The following PTPRN2 variants were observed in gnomAD, a reference collection of about 807,000 sequenced individuals.
The protein encoded by PTPRN2 is receptor-type tyrosine-protein phosphatase N2.
Under a neutral mutation model 118.8 loss-of-function variants are expected in PTPRN2, and 74 were observed. The observed-to-expected ratio is 0.62, with a 90% CI of 0.52 to 0.76. The LOEUF is 0.76. Ranked by LOEUF, PTPRN2 falls within the 30% of genes least tolerant of loss-of-function variation. The pLI, the probability that PTPRN2 is intolerant of heterozygous loss-of-function variation, is 0.00. For synonymous variants in PTPRN2, 641 were observed against 608.0 expected (o/e 1.05, Z -0.80); for missense variants, 1,481 against 1,394.4 (o/e 1.06, Z -0.99).
Position 157,549,978 on chromosome 7 carries a change from T to C in PTPRN2, c.2903-959A>G, listed in dbSNP as rs189426234. 4.7e-3 allele frequency among the ~76,000 whole-genome samples: 710 copies of C among 152,280 alleles called. 5 individuals carry two copies. The highest frequency in any genetic ancestry group is 0.014 in the Middle Eastern group (4 of 294). ...GGAAATAGAGACGCGGCCAATGGCA[T>C]GTCCAAGCCACAGACAGGAAGAAGC... On this transcript the variant is annotated intron_variant, in intron 21 of 22. Coordinates refer to ENST00000389418, the MANE Select transcript of PTPRN2 (RefSeq NM_002847.5).
chr7:158,455,921 G>A lies in PTPRN2; in HGVS notation c.163+33814C>T, dbSNP rs534125766. ...CTGCAGAGAACATAACAGCATGGAC[G>A]CCATTGGCCATGGCCACCCATCGCT... On this transcript the variant is annotated intron_variant, in intron 2 of 22. Coordinates refer to ENST00000389418, the MANE Select transcript of PTPRN2 (RefSeq NM_002847.5). Among the ~76,000 whole-genome samples, 7 of 146,788 alleles carry A rather than the reference G, an allele frequency of 4.8e-5. No individual in the cohort carries two copies. The South Asian group carries it at 1.1e-3, about 23-fold the overall frequency.
chr7:158,270,903 CCACCCCCCCCACCT>C (rs1798395949), intron 3 of PTPRN2, among the ~76,000 whole-genome samples: 4 of 52,844 alleles, frequency 7.6e-5, no homozygotes, highest in Non-Finnish European at 1.4e-4. Context: ...TCCACCTGGA[CCACCCCCCCCACCT>C]GGACCACCCC....
chr7:158,341,966 C>G (rs1362100719), intron 2 of PTPRN2, among the ~76,000 whole-genome samples: 2 of 150,038 alleles, frequency 1.3e-5, no homozygotes, highest in Non-Finnish European at 3.0e-5. Flanking sequence ...CCGCAGACGT[C>G]ACTCACACCC....
chr7:158,504,113 T>C (rs1344942401), intron 1 of PTPRN2, among the ~76,000 whole-genome samples: 1 of 152,036 alleles, frequency 6.6e-6, no homozygotes, highest in African/African-American at 2.4e-5. Context: ...TAGAGATAAA[T>C]TCCTTGTTAA....
intron 1 of PTPRN2, among the ~76,000 whole-genome samples, chr7:158,530,852 G>A (rs1178589748): frequency 6.6e-6 from 1 of 152,206 alleles, no homozygotes; most frequent in Non-Finnish European, 1.5e-5. Flanking sequence ...TGGGTCCCAT[G>A]CAGGTTCCAG....
At position 158,563,245 on chromosome 7, in the gene PTPRN2, G is replaced by C. The variant is rs549789812; in HGVS notation, c.112+24313C>G. ...AGACCTTGTCCAGGGTCCTAAAATG[G>C]CTTCTTGGAAAATATGAAATTGCTG... On this transcript the variant is annotated intron_variant, in intron 1 of 22. Transcript: ENST00000389418. This position sits in a 1 kb window ranked among gnomAD's most constrained non-coding sequence, Gnocchi z 5.1. Among the ~76,000 whole-genome samples, 2 of 152,194 alleles carry C rather than the reference G, an allele frequency of 1.3e-5. No homozygotes were observed. Among genetic ancestry groups the C allele is most frequent in the Non-Finnish European group, 2.9e-5 (2 of 68,038 alleles).
intron 22 of PTPRN2, among the ~76,000 whole-genome samples, chr7:157,542,813 G>A (rs548958311): frequency 1.3e-5 from 2 of 152,370 alleles, no homozygotes; most frequent in African/African-American, 4.8e-5. Context: ...CTTACTCAGA[G>A]CCCACTGGGC....
At position 157,874,204 on chromosome 7, in the gene PTPRN2, G is replaced by A. The variant is rs1343527376; in HGVS notation, c.1788+24469C>T. Among the ~76,000 whole-genome samples, 2 of 152,144 alleles carry A rather than the reference G, an allele frequency of 1.3e-5. No individual in the cohort carries two copies. The highest frequency in any genetic ancestry group is 6.5e-5 in the Admixed American group (1 of 15,280). On this transcript the variant is annotated intron_variant, in intron 12 of 22. Coordinates refer to ENST00000389418, the MANE Select transcript of PTPRN2 (RefSeq NM_002847.5). This position sits in a 1 kb window ranked among gnomAD's most constrained non-coding sequence, Gnocchi z 5.8. ...CTCAGTCTGCCTCTGGCCTCCCTCT[G>A]TTTCCCCCTCCACAACTGGGCAGGC...
intron 2 of PTPRN2, among the ~76,000 whole-genome samples, chr7:158,407,641 G>C (rs62478432): frequency 4.9e-5 from 3 of 61,416 alleles, no homozygotes; most frequent in South Asian, 9.1e-4. Flanking sequence ...CTGCGTCCTG[G>C]GTCCTGGGTC....
chr7:158,430,469 C>T (rs1816081280), intron 2 of PTPRN2, among the ~76,000 whole-genome samples: 1 of 152,254 alleles, frequency 6.6e-6, no homozygotes, highest in Non-Finnish European at 1.5e-5. Flanking sequence ...GGCATGTTCC[C>T]AGAAGCGCTC....
chr7:158,357,097 G>A (rs1212391474), intron 2 of PTPRN2, among the ~76,000 whole-genome samples: 1 of 152,244 alleles, frequency 6.6e-6, no homozygotes, highest in East Asian at 1.9e-4. Context: ...ATGGTCCTGT[G>A]CAAACAACCA....
Position 158,489,799 on chromosome 7 carries a change from G to A in PTPRN2, c.113-14C>T. 6.4e-7 allele frequency: 1 copy of A among 1,567,618 alleles called. No homozygotes were observed. Among genetic ancestry groups the A allele is most frequent in the Non-Finnish European group, 8.6e-7 (1 of 1,156,792 alleles). On this transcript the variant is annotated splice_polypyrimidine_tract_variant and intron_variant, in intron 1 of 22. Transcript: ENST00000389418. Reference sequence around the variant, plus strand: ...CGAGCAGGCAGCCTGCGGGGAAACAGAGAAGAGACGCGGTCAGCTGGAGGG... The same window carrying A: ...CGAGCAGGCAGCCTGCGGGGAAACAAAGAAGAGACGCGGTCAGCTGGAGGG...
At chr7:158,305,999 C>A (rs181571152) in intron 3 of PTPRN2, among the ~76,000 whole-genome samples, 1 of 152,240 alleles carries the variant, frequency 6.6e-6, no homozygotes, top group Admixed American at 6.5e-5. Flanking sequence ...AGAGTGCCTT[C>A]AAAGCCCCAT....
At chr7:158,172,481 C>T (rs1038265405) in intron 5 of PTPRN2, among the ~76,000 whole-genome samples, 4 of 150,936 alleles carry the variant, frequency 2.7e-5, no homozygotes, top group Non-Finnish European at 5.9e-5. Context: ...ATCACCCTCA[C>T]CATCAGCATC....
rs1315579179 is a variant in PTPRN2, at chr7:157,622,460, C to A, written c.2197-951G>T. Among the ~76,000 whole-genome samples, 1 of 152,150 alleles carries A rather than the reference C, an allele frequency of 6.6e-6. No homozygotes were observed. The highest frequency in any genetic ancestry group is 1.5e-5 in the Non-Finnish European group (1 of 68,028). ...CATCCCCTTCGATTGATCCGAGGAG[C>A]TGGGATGGTCCCTCCCTGCCCACTG... is the stretch of plus-strand genomic sequence containing the variant. On this transcript the variant is annotated intron_variant, in intron 14 of 22. Coordinates refer to ENST00000389418, the MANE Select transcript of PTPRN2 (RefSeq NM_002847.5). The surrounding 1 kb of genome is among the most constrained non-coding windows in gnomAD (Gnocchi z 5.3).
At chr7:158,408,843 C>G (rs1395003618) in intron 2 of PTPRN2, among the ~76,000 whole-genome samples, 1 of 151,426 alleles carries the variant, frequency 6.6e-6, no homozygotes, top group Non-Finnish European at 1.5e-5. Flanking sequence ...GGACTCACCC[C>G]AGTCATATTA....
chr7:157,549,142 C>T lies in PTPRN2; in HGVS notation c.2903-123G>A, dbSNP rs1198705341. The T allele has an allele frequency of 4.3e-6, 4 of 934,728 alleles. No homozygotes were observed. The East Asian group carries it at 9.8e-5, about 23-fold the overall frequency. 57.9% of individuals were successfully genotyped at this position (934,728 alleles called of 1,614,324 possible). A position where few individuals can be genotyped will look rare whatever the true frequency, so the allele number is the denominator to read the frequency against. On this transcript the variant is annotated intron_variant, in intron 21 of 22. Transcript: ENST00000389418. ...GCCAATTGAAAATTATTACGCTCAT[C>T]CCTCAGCCGGCTGGCAGGCGGCTGC... is the stretch of plus-strand genomic sequence containing the variant.
chr7:158,337,772 G>A (rs1486975465), intron 2 of PTPRN2, among the ~76,000 whole-genome samples: 11 of 89,594 alleles, frequency 1.2e-4, no homozygotes, highest in Admixed American at 2.3e-4. Context: ...ACCTGCAAAC[G>A]TCACTCACAC....
intron 12 of PTPRN2, among the ~76,000 whole-genome samples, chr7:157,762,647 T>G (rs1585402982): frequency 1.3e-5 from 2 of 148,372 alleles, no homozygotes; most frequent in Non-Finnish European, 1.5e-5. Context: ...TAATGCTAGA[T>G]GACGAGTTAG....
Sources: allele counts gnomAD v4.1 joint callset (sites outside exome capture counted in the v4.1 genomes callset), GRCh38; gene constraint gnomAD v4.1.1; non-coding constraint Gnocchi (gnomAD v3.1); transcripts MANE v1.5; gene names NCBI Gene and HGNC (gene_info 2026-07-23, HGNC 2026-07-21).